Variants in PATJ observed in about 807,000 individuals in gnomAD.
PATJ encodes the protein inaD-like protein.
PATJ carries 190 observed loss-of-function variants against 224.9 expected under a neutral mutation model. The observed-to-expected ratio is 0.84, with a 90% CI of 0.75 to 0.95. PATJ has a LOEUF of 0.95. Among genes scored for constraint, PATJ ranks in the 40% least tolerant of loss-of-function variants. The pLI is 0.00. For synonymous variants in PATJ, 769 were observed against 820.3 expected (o/e 0.94, Z 1.07); for missense variants, 2,121 against 2,270.3 (o/e 0.93, Z 1.34).
At chr1:61,852,121 A>T (rs1183436960) in intron 17 of PATJ, among the ~76,000 whole-genome samples, 1 of 95,662 alleles carries the variant, frequency 1.0e-5, no homozygotes, top group Admixed American at 1.1e-4. Flanking sequence ...TTCTGTCTTA[A>T]AAAAAAAAAA....
chr1:61,813,814 C>A (rs1400004734), intron 14 of PATJ, among the ~76,000 whole-genome samples: 1 of 151,848 alleles, frequency 6.6e-6, no homozygotes, highest in Non-Finnish European at 1.5e-5. Flanking sequence ...TAATAACTGG[C>A]CTAATTTTTT....
intron 33 of PATJ, among the ~76,000 whole-genome samples, chr1:62,093,589 G>A (rs1316278565): frequency 6.6e-6 from 1 of 152,054 alleles, no homozygotes; most frequent in African/African-American, 2.4e-5. Flanking sequence ...TAAAATCAAA[G>A]CAGAGTTTGC....
intron 31 of PATJ, among the ~76,000 whole-genome samples, chr1:62,060,848 CTTTTA>C (rs1041345597): frequency 7.2e-5 from 11 of 152,080 alleles, no homozygotes; most frequent in African/African-American, 2.2e-4. Flanking sequence ...GACCTTTCAA[CTTTTA>C]TTTTATTTCT....
intron 25 of PATJ, among the ~76,000 whole-genome samples, chr1:61,912,737 C>T (rs1221146382): frequency 6.7e-6 from 1 of 150,342 alleles, no homozygotes; most frequent in Non-Finnish European, 1.5e-5. Context: ...GGAGGGAAGG[C>T]AGCGTAAACA....
chr1:62,104,668 T>G (rs886072674), intron 33 of PATJ, among the ~76,000 whole-genome samples: 1 of 152,150 alleles, frequency 6.6e-6, no homozygotes, highest in African/African-American at 2.4e-5. Flanking sequence ...CTGATAACTT[T>G]ATTTTTTATT....
chr1:61,978,391 G>A lies in PATJ; in HGVS notation c.3671-11777G>A, dbSNP rs1001912526. On this transcript the variant is annotated intron_variant, in intron 27 of 43. Transcript: ENST00000642238. ...AGCGATTCTTCTGCCTCAGCCTTCC[G>A]AGTAGCTGGGATTAAAGGCATGTGC... Among the ~76,000 whole-genome samples, 11 of 151,848 alleles carry A rather than the reference G, an allele frequency of 7.2e-5. 1 individual carries two copies. The South Asian group carries it at 1.0e-3, about 14-fold the overall frequency.
intron 7 of PATJ, among the ~76,000 whole-genome samples, chr1:61,785,349 T>G (rs1648284760): frequency 6.6e-6 from 1 of 152,222 alleles, no homozygotes; most frequent in South Asian, 2.1e-4. Context: ...AGCCTTTGCT[T>G]GTAGGAGATT....
intron 30 of PATJ, among the ~76,000 whole-genome samples, chr1:62,046,186 A>G (rs1408813840): frequency 7.8e-6 from 1 of 128,332 alleles, no homozygotes; most frequent in Non-Finnish European, 1.6e-5. Flanking sequence ...TGGGTGACAG[A>G]GTGAGATGGT....
At chr1:62,087,899 T>C (rs1181325705) in intron 33 of PATJ, among the ~76,000 whole-genome samples, 1 of 151,766 alleles carries the variant, frequency 6.6e-6, no homozygotes, top group Non-Finnish European at 1.5e-5. Flanking sequence ...TGTAATTTTT[T>C]TTTTTTTTTG....
At chr1:61,929,684 C>T (rs1486907989) in intron 27 of PATJ, among the ~76,000 whole-genome samples, 1 of 152,174 alleles carries the variant, frequency 6.6e-6, no homozygotes, top group Non-Finnish European at 1.5e-5. Flanking sequence ...GAGCCTATAA[C>T]ATCATCGATA....
At chr1:61,997,015 T>TACAGGGGTGAGC (rs554753321) in intron 28 of PATJ, among the ~76,000 whole-genome samples, 98 of 152,266 alleles carry the variant, frequency 6.4e-4, no homozygotes, top group Middle Eastern at 6.8e-3. Flanking sequence ...GTGCTGGGAT[T>TACAGGGGTGAGC]ACAGGGGTGA....
chr1:61,790,521 T>G (rs1649602145), intron 8 of PATJ, among the ~76,000 whole-genome samples: 2 of 146,818 alleles, frequency 1.4e-5, no homozygotes, highest in African/African-American at 5.0e-5. Context: ...TTTTGTTTTT[T>G]TTTTTTGTTT....
At chr1:61,790,856 T>C (rs1490698782) in intron 8 of PATJ, among the ~76,000 whole-genome samples, 4 of 152,186 alleles carry the variant, frequency 2.6e-5, no homozygotes, top group African/African-American at 9.6e-5. Context: ...AGTGTGGGCC[T>C]GGCTGGGCTC....
rs961017549 is a variant in PATJ at position 62,157,887 on chromosome 1, T to TCAG, written c.5503-3016_5503-3014dup. Among the ~76,000 whole-genome samples, 12 of 146,366 alleles carry TCAG rather than the reference T, an allele frequency of 8.2e-5. 2 individuals are homozygous for TCAG. Among genetic ancestry groups the TCAG allele is most frequent in the Non-Finnish European group, 1.7e-4 (11 of 66,468 alleles). ...AAGCCAGCCTTAGGTCTTAGTCCCT[T>TCAG]CAGCAGCTGAATGTTACCCTAAGCC... is the stretch of plus-strand genomic sequence containing the variant. On this transcript the variant is annotated intron_variant, in intron 43 of 43. Transcript: ENST00000642238.
Position 61,990,266 on chromosome 1 carries a change from A to G in PATJ, c.3769A>G (p.Lys1257Glu). Residue 1257 changes from lysine to glutamate, a missense_variant, in exon 28 of 44, where the codon AAA becomes GAA. Transcript: ENST00000642238. ...NGLGLSLAGN[K>E]DRSRMSIFVV... ...ACTTGGACTCAGCCTTGCTGGTAAT[A>G]AAGACCGATCACGCATGAGCATATT... is the stretch of plus-strand genomic sequence containing the variant. 6.2e-7 allele frequency: 1 copy of G among 1,614,066 alleles called. No individual in the cohort carries two copies. Among genetic ancestry groups the G allele is most frequent in the Non-Finnish European group, 8.5e-7 (1 of 1,179,946 alleles).
chr1:61,991,083 A>G (rs1384122353), intron 28 of PATJ, among the ~76,000 whole-genome samples: 32 of 152,216 alleles, frequency 2.1e-4, no homozygotes, highest in Non-Finnish European at 1.5e-5. Context: ...AGAAACAGAA[A>G]AAGAGATGAA....
At chr1:62,091,128 A>G (rs527521665) in intron 33 of PATJ, among the ~76,000 whole-genome samples, 32 of 152,200 alleles carry the variant, frequency 2.1e-4, no homozygotes, top group South Asian at 1.0e-3. Flanking sequence ...ATCCCAGGCT[A>G]TGAATGAGAT....
chr1:61,946,202 G>A (rs1470189429), intron 27 of PATJ, among the ~76,000 whole-genome samples: 2 of 152,072 alleles, frequency 1.3e-5, no homozygotes, highest in Non-Finnish European at 2.9e-5. Context: ...CAGAAGGCAA[G>A]AAATAACTAA....
intron 27 of PATJ, among the ~76,000 whole-genome samples, chr1:61,944,903 G>A (rs1678422943): frequency 1.3e-5 from 2 of 152,338 alleles, no homozygotes; most frequent in East Asian, 1.9e-4. Flanking sequence ...CAAGCCAGAA[G>A]AGAGTGGGTG....
Sources: allele counts gnomAD v4.1 joint callset (sites outside exome capture counted in the v4.1 genomes callset), GRCh38; gene constraint gnomAD v4.1.1; transcripts MANE v1.5; gene names NCBI Gene and HGNC (gene_info 2026-07-23, HGNC 2026-07-21).